ERC1: variants seen among roughly 807,000 people sequenced by gnomAD.
ERC1 encodes RAB6 interacting protein 2.
ERC1 carries 56 observed loss-of-function variants against 132.0 expected under a neutral mutation model. The observed-to-expected ratio is 0.42, with a 90% CI of 0.34 to 0.53. The LOEUF (loss-of-function observed/expected upper bound fraction) is 0.53. ERC1 is among the 20% of genes least tolerant of loss of function. The pLI, the probability that ERC1 is intolerant of heterozygous loss-of-function variation, is 0.03. For synonymous variants in ERC1, 478 were observed against 476.1 expected (o/e 1.00, Z -0.05); for missense variants, 1,202 against 1,349.9 (o/e 0.89, Z 1.72).
At chr12:1,373,315 T>C (rs1207681914) in intron 16 of ERC1, among the ~76,000 whole-genome samples, 1 of 152,226 alleles carries the variant, frequency 6.6e-6, no homozygotes, top group African/African-American at 2.4e-5. Context: ...GCAATATCAC[T>C]TATCTTAAGT....
chr12:1,277,327 C>G (rs183680415), intron 14 of ERC1, among the ~76,000 whole-genome samples: 2 of 152,308 alleles, frequency 1.3e-5, no homozygotes, highest in Non-Finnish European at 2.9e-5. Context: ...ATTTGAAAAT[C>G]TTTTTGATCC....
intron 12 of ERC1, among the ~76,000 whole-genome samples, chr12:1,210,611 C>T (rs1029175838): frequency 4.6e-5 from 7 of 152,218 alleles, no homozygotes; most frequent in African/African-American, 1.4e-4. Flanking sequence ...TTCTTTACTT[C>T]GCTTTCCTTC....
At chr12:1,171,932 T>A (rs16928249) in intron 8 of ERC1, among the ~76,000 whole-genome samples, 15,950 of 152,192 alleles carry the variant, frequency 0.1, 1,199 homozygotes, top group African/African-American at 0.19. Context: ...TGTGCCAATG[T>A]GGAATTAGTA....
In ERC1 at chr12:1,121,675, C is replaced by A. The variant is rs1336315414; in HGVS notation, c.1569+5642C>A. On this transcript the variant is annotated intron_variant, in intron 7 of 18. Transcript: ENST00000360905. ...TCTATCTCTATCTCTATCTCTATCT[C>A]TATCTATCTCTATCTCTATCTCTAT... is the stretch of plus-strand genomic sequence containing the variant. Among the ~76,000 whole-genome samples, 47 of 5,876 alleles carry A rather than the reference C, an allele frequency of 8.0e-3. 3 individuals carry two copies. The highest frequency in any genetic ancestry group is 9.5e-3 in the Non-Finnish European group (16 of 1,684). The allele number at this position is 5,876 out of a possible 152,430, so 3.9% of individuals were successfully genotyped here.
intron 13 of ERC1, among the ~76,000 whole-genome samples, chr12:1,251,541 G>T (rs573876035): frequency 9.9e-5 from 15 of 152,258 alleles, no homozygotes; most frequent in Non-Finnish European, 1.8e-4. Context: ...CCTGTGGATA[G>T]TTGCTGAAAT....
At chr12:1,336,763 T>G (rs2083349349) in intron 15 of ERC1, among the ~76,000 whole-genome samples, 1 of 152,118 alleles carries the variant, frequency 6.6e-6, no homozygotes, top group Non-Finnish European at 1.5e-5. Flanking sequence ...TCAAGTCCCT[T>G]TGATCCTATG....
At chr12:1,303,596 G>A (rs974261750) in intron 15 of ERC1, among the ~76,000 whole-genome samples, 2 of 150,722 alleles carry the variant, frequency 1.3e-5, no homozygotes, top group South Asian at 2.1e-4. Context: ...CTGAGATCTC[G>A]CCACTGCACT....
chr12:1,033,352 A>G (rs951611444), intron 2 of ERC1, among the ~76,000 whole-genome samples: 10 of 151,646 alleles, frequency 6.6e-5, no homozygotes, highest in African/African-American at 2.4e-4. Context: ...TTGTATTTTT[A>G]GTAGAGACGA....
intron 13 of ERC1, among the ~76,000 whole-genome samples, chr12:1,255,852 G>C (rs1183325284): frequency 6.6e-6 from 1 of 151,348 alleles, no homozygotes. Context: ...TGTTAGCCAG[G>C]ATGGTCTCAA....
intron 2 of ERC1, among the ~76,000 whole-genome samples, chr12:1,065,915 A>G (rs865964317): frequency 9.9e-5 from 15 of 152,218 alleles, no homozygotes; most frequent in Non-Finnish European, 1.6e-4. Context: ...GCCAGATACA[A>G]AAGATCACTT....
intron 15 of ERC1, among the ~76,000 whole-genome samples, chr12:1,303,748 A>T (rs536972615): frequency 2.6e-5 from 4 of 152,178 alleles, no homozygotes; most frequent in Admixed American, 2.6e-4. Flanking sequence ...TGAGGTCGGG[A>T]GTTTGAGACC....
At chr12:990,934 C>CGTGTGTGTGTGTGT (rs758442595), upstream of ERC1, 48 of 99,418 alleles carry the variant, frequency 4.8e-4, 1 homozygote, top group African/African-American at 1.4e-3. Context: ...CCGCAGGGGT[C>CGTGTGTGTGTGTGT]GTGTGTGTGT....
chr12:1,427,669 G>A (rs1025714954), intron 17 of ERC1, among the ~76,000 whole-genome samples: 4 of 152,268 alleles, frequency 2.6e-5, no homozygotes, highest in Middle Eastern at 3.4e-3. Context: ...CAGCGTGGTG[G>A]TCGTGTAACT....
chr12:1,024,394 C>G (rs1174246287), intron 1 of ERC1, among the ~76,000 whole-genome samples: 8 of 151,960 alleles, frequency 5.3e-5, no homozygotes, highest in Non-Finnish European at 8.8e-5. Flanking sequence ...AACAAAAACA[C>G]AAAACATCTC....
rs2094316569 is a variant in ERC1 at position 1,491,316 on chromosome 12, T to C, written c.*1086T>C. ...GCCCTTGACTCGTCTTCTCTGAACCTCAGCCTCGTGCATTGCCTGGAACCT... is the reference window on the plus strand; with the variant it reads ...GCCCTTGACTCGTCTTCTCTGAACCCCAGCCTCGTGCATTGCCTGGAACCT... On this transcript the variant is annotated 3_prime_UTR_variant, in exon 19 of 19. Coordinates refer to ENST00000360905, the MANE Select transcript of ERC1 (RefSeq NM_178040.4). The C allele has an allele frequency of 8.7e-6, 2 of 231,198 alleles. No homozygotes were observed. Among genetic ancestry groups the C allele is most frequent in the Non-Finnish European group, 1.7e-5 (2 of 116,784 alleles). 14.3% of individuals were successfully genotyped at this position (231,198 alleles called of 1,614,324 possible).
At chr12:1,447,511 G>A (rs540991006) in intron 18 of ERC1, among the ~76,000 whole-genome samples, 86 of 149,458 alleles carry the variant, frequency 5.8e-4, no homozygotes, top group Middle Eastern at 6.8e-3. Flanking sequence ...GTGAGACCCC[G>A]TCTCAAAAAC....
rs149481564 is a variant in ERC1 at position 1,446,279 on chromosome 12, C to T, written c.3213+1529C>T. ...AGAAGACAGGATGAGAACAGGCATA[C>T]AGTACAGACATGGAAAGTGAAGGAA... On this transcript the variant is annotated intron_variant, in intron 18 of 18. Transcript: ENST00000360905. 4.7e-3 allele frequency among the ~76,000 whole-genome samples: 711 copies of T among 152,122 alleles called. 3 individuals are homozygous for T. Among genetic ancestry groups the T allele is most frequent in the African/African-American group, 0.016 (667 of 41,490 alleles).
intron 17 of ERC1, among the ~76,000 whole-genome samples, chr12:1,424,844 T>TA (rs745570432): frequency 0.047 from 3,422 of 72,486 alleles, 56 homozygotes; most frequent in East Asian, 0.064. Context: ...GATAGATAGA[T>TA]GATAGATAGA....
At chr12:1,034,070 GTTCTTT>G (rs776737813) in intron 2 of ERC1, among the ~76,000 whole-genome samples, 10 of 152,112 alleles carry the variant, frequency 6.6e-5, no homozygotes, top group African/African-American at 1.7e-4. Flanking sequence ...GTTGTATTGG[GTTCTTT>G]TTCTTTTTCT....
Sources: allele counts gnomAD v4.1 joint callset (sites outside exome capture counted in the v4.1 genomes callset), GRCh38; gene constraint gnomAD v4.1.1; transcripts MANE v1.5; gene names NCBI Gene and HGNC (gene_info 2026-07-23, HGNC 2026-07-21).